Variants in ATP10B observed in about 807,000 individuals in gnomAD.
The protein encoded by ATP10B is phospholipid-transporting ATPase VB.
Under a neutral mutation model 141.2 loss-of-function variants are expected in ATP10B, and 122 were observed. The ratio of observed to expected loss-of-function variants is 0.86; its 90% confidence interval spans 0.75 to 1.00. ATP10B has a LOEUF of 1.00. Among genes scored for constraint, ATP10B ranks in the 50% least tolerant of loss-of-function variants. The pLI is 0.00. For synonymous variants in ATP10B, 685 were observed against 692.0 expected (o/e 0.99, Z 0.16); for missense variants, 1,876 against 1,825.3 (o/e 1.03, Z -0.51).
intron 24 of ATP10B, among the ~76,000 whole-genome samples, chr5:160,581,028 G>A (rs756088561): frequency 6.6e-6 from 1 of 150,592 alleles, no homozygotes; most frequent in African/African-American, 2.4e-5. Context: ...TTTTTATTCT[G>A]TCTATTTGAT....
At chr5:160,723,719 A>C (rs1488141326) in intron 2 of ATP10B, among the ~76,000 whole-genome samples, 1 of 152,216 alleles carries the variant, frequency 6.6e-6, no homozygotes, top group Non-Finnish European at 1.5e-5. Context: ...AATGTATAAC[A>C]GTCTATTTCT....
At chr5:160,661,343 T>G (rs1171159965) in intron 7 of ATP10B, among the ~76,000 whole-genome samples, 1 of 152,220 alleles carries the variant, frequency 6.6e-6, no homozygotes, top group Non-Finnish European at 1.5e-5. Flanking sequence ...ATCTCAATAC[T>G]TGTTCTTATT....
chr5:160,795,411 T>A (rs188918198), intron 1 of ATP10B, among the ~76,000 whole-genome samples: 212 of 152,224 alleles, frequency 1.4e-3, no homozygotes, highest in African/African-American at 5.0e-3. Flanking sequence ...TCATTTCCCA[T>A]CTCTGTCCTA....
At chr5:160,829,108 AATG>A (rs1025808621) in intron 1 of ATP10B, among the ~76,000 whole-genome samples, 1 of 151,276 alleles carries the variant, frequency 6.6e-6, no homozygotes, top group African/African-American at 2.4e-5. Flanking sequence ...CCTAATTCTA[AATG>A]ATGAGTTAAT....
At chr5:160,599,424 A>G (rs1294407701) in intron 21 of ATP10B, among the ~76,000 whole-genome samples, 1 of 152,186 alleles carries the variant, frequency 6.6e-6, no homozygotes, top group East Asian at 1.9e-4. Context: ...TGAATCCCCA[A>G]TTCTGTCACT....
Position 160,803,161 on chromosome 5 carries a change from C to G in ATP10B, c.-575-17358G>C, listed in dbSNP as rs142542304. ...AGCTATATAACTTTAGATCTCTAAA[C>G]CTCAGTTTTTTTCCTTTTTGTTGAA... is the stretch of plus-strand genomic sequence containing the variant. On this transcript the variant is annotated intron_variant, in intron 1 of 25. Transcript: ENST00000327245. Among the ~76,000 whole-genome samples the G allele has an allele frequency of 7.3e-3, 1,115 of 152,256 alleles. 12 individuals carry two copies. The highest frequency in any genetic ancestry group is 0.025 in the African/African-American group (1,040 of 41,546).
intron 7 of ATP10B, 34 bp from the exon 8 acceptor site, chr5:160,649,290 T>A: frequency 6.7e-7 from 1 of 1,484,616 alleles, no homozygotes; most frequent in Non-Finnish European, 9.4e-7. Context: ...GTTTATTAAT[T>A]CAGAGGGATC....
At chr5:160,803,219 C>T (rs1772516769) in intron 1 of ATP10B, among the ~76,000 whole-genome samples, 1 of 152,132 alleles carries the variant, frequency 6.6e-6, no homozygotes, top group Non-Finnish European at 1.5e-5. Flanking sequence ...TTAGGTTGTG[C>T]TATATGGATT....
chr5:160,670,174 A>G (rs1329464954), intron 7 of ATP10B, among the ~76,000 whole-genome samples: 1 of 152,140 alleles, frequency 6.6e-6, no homozygotes, highest in African/African-American at 2.4e-5. Flanking sequence ...CTCAGTTCAG[A>G]GCAGAGAGTA....
chr5:160,680,136 T>C (rs1763279860), intron 6 of ATP10B, among the ~76,000 whole-genome samples: 1 of 152,022 alleles, frequency 6.6e-6, no homozygotes, highest in Non-Finnish European at 1.5e-5. Flanking sequence ...GGGTGGATGA[T>C]GCATGGGCTT....
chr5:160,648,691 T>A (rs1268948041), intron 8 of ATP10B, among the ~76,000 whole-genome samples: 1 of 152,152 alleles, frequency 6.6e-6, no homozygotes, highest in African/African-American at 2.4e-5. Context: ...TTGATATAGA[T>A]ATTATAATTT....
chr5:160,794,679 A>G (rs1383112390), intron 1 of ATP10B, among the ~76,000 whole-genome samples: 1 of 152,190 alleles, frequency 6.6e-6, no homozygotes, highest in East Asian at 1.9e-4. Flanking sequence ...TATTCTAAAA[A>G]CATCAAACTC....
intron 4 of ATP10B, 98 bp downstream of exon 4, chr5:160,688,662 T>C: frequency 4.7e-6 from 3 of 633,138 alleles, no homozygotes; most frequent in South Asian, 7.2e-5. Flanking sequence ...GAAAAATATA[T>C]TGGGACACAT....
At chr5:160,717,140 T>C (rs539309731) in intron 2 of ATP10B, 106 bp from the exon 3 acceptor site, 4 of 813,274 alleles carry the variant, frequency 4.9e-6, no homozygotes, top group Non-Finnish European at 5.9e-6. Flanking sequence ...TGTGAAACTA[T>C]ATTGTTTTGA....
intron 3 of ATP10B, among the ~76,000 whole-genome samples, chr5:160,714,926 C>T (rs1425441725): frequency 3.1e-4 from 44 of 142,290 alleles, no homozygotes; most frequent in African/African-American, 1.0e-3. Flanking sequence ...TTAGGCTGCT[C>T]GGGGGTCAGG....
At chr5:160,822,917 A>T (rs1309758300) in intron 1 of ATP10B, among the ~76,000 whole-genome samples, 1 of 147,990 alleles carries the variant, frequency 6.8e-6, no homozygotes, top group Non-Finnish European at 1.5e-5. Context: ...ATGGGTACAA[A>T]AAATAGAAAT....
intron 2 of ATP10B, among the ~76,000 whole-genome samples, chr5:160,759,046 A>C (rs907503720): frequency 6.6e-6 from 1 of 152,192 alleles, no homozygotes; most frequent in African/African-American, 2.4e-5. Context: ...TAAACTCAGA[A>C]ACACAATCCA....
the ATP10B span, among the ~76,000 whole-genome samples, chr5:160,860,951 A>G: frequency 6.6e-6 from 1 of 151,830 alleles, no homozygotes; most frequent in African/African-American, 2.4e-5. Flanking sequence ...CCCATTCCCC[A>G]CCCAAACTGC....
chr5:160,755,246 C>T (rs1768439939), intron 2 of ATP10B, among the ~76,000 whole-genome samples: 1 of 149,420 alleles, frequency 6.7e-6, no homozygotes, highest in African/African-American at 2.5e-5. Flanking sequence ...AGGATCAGAT[C>T]TCCTGAGAAC....
Sources: allele counts gnomAD v4.1 joint callset (sites outside exome capture counted in the v4.1 genomes callset), GRCh38; gene constraint gnomAD v4.1.1; transcripts MANE v1.5; gene names NCBI Gene and HGNC (gene_info 2026-07-23, HGNC 2026-07-21).